Variants in TRIM37 observed in about 807,000 individuals in gnomAD.
TRIM37 encodes the protein tripartite motif containing 37.
A neutral mutation model predicts 129.8 loss-of-function variants in TRIM37; 80 were observed. The observed-to-expected ratio is 0.62, with a 90% CI of 0.51 to 0.74. The LOEUF is 0.74. TRIM37 is among the 30% of genes least tolerant of loss of function. The pLI, the probability that TRIM37 is intolerant of heterozygous loss-of-function variation, is 0.00. For synonymous variants in TRIM37, 389 were observed against 387.1 expected, an observed-to-expected ratio of 1.00 and a Z score of -0.06; for missense variants, 1,054 against 1,176.5, an observed-to-expected ratio of 0.90 and a Z score of 1.52.
rs768272469 is a variant in TRIM37, at chr17:59,079,786, G to A, written c.584C>T (p.Thr195Ile). 1 of 1,614,028 alleles carries A rather than the reference G, an allele frequency of 6.2e-7. No individual in the cohort carries two copies. Among genetic ancestry groups the A allele is most frequent in the Non-Finnish European group, 8.5e-7 (1 of 1,179,964 alleles). ...TGTTATAAGCTTATTCTTCAGCTGT[G>A]TGTCTAACCGTGCAATCATCATCTC... is the stretch of plus-strand genomic sequence containing the variant. ...AVEMMIARLD[T>I]QLKNKLITLM... The change falls in exon 7 of 24, where the codon ACA becomes ATA. Residue 195 changes from threonine (T) to isoleucine (I), a missense_variant. Thr to Ile is a moderately conservative substitution (Grantham distance 89). Transcript: ENST00000262294.
At position 59,015,365 on chromosome 17, in the gene TRIM37, G is replaced by A. The variant is rs187465058; in HGVS notation, c.2576+245C>T. ...TGAGGCAGGAGAATCACTTAAACCGGGGAGGCAGAGGTTGCAGAGAGCTGA... is the reference window on the plus strand; with the variant it reads ...TGAGGCAGGAGAATCACTTAAACCGAGGAGGCAGAGGTTGCAGAGAGCTGA... On this transcript the variant is annotated intron_variant, in intron 21 of 23. Coordinates refer to ENST00000262294, the MANE Select transcript of TRIM37 (RefSeq NM_015294.6). 1.9e-3 allele frequency among the ~76,000 whole-genome samples: 292 copies of A among 151,716 alleles called. 1 individual carries two copies. Among genetic ancestry groups the A allele is most frequent in the African/African-American group, 6.7e-3 (277 of 41,396 alleles).
At chr17:59,072,684 G>T (rs1007068663) in intron 8 of TRIM37, among the ~76,000 whole-genome samples, 9 of 151,304 alleles carry the variant, frequency 5.9e-5, no homozygotes, top group Non-Finnish European at 1.2e-4. Context: ...GGAGGCGGAG[G>T]TTACAGTGAG....
chr17:59,100,583 G>A (rs929830159), intron 2 of TRIM37, among the ~76,000 whole-genome samples: 12 of 151,900 alleles, frequency 7.9e-5, no homozygotes, highest in African/African-American at 1.5e-4. Flanking sequence ...CTTATCTATC[G>A]TGACAGAAAG....
chr17:59,014,837 G>A lies in TRIM37; in HGVS notation c.2576+773C>T, dbSNP rs146808608. 2.5e-4 allele frequency among the ~76,000 whole-genome samples: 38 copies of A among 151,160 alleles called. No individual in the cohort carries two copies. In the East Asian group the frequency reaches 4.8e-3, roughly 19 times the overall value. On this transcript the variant is annotated intron_variant, in intron 21 of 23. Transcript: ENST00000262294. Reference sequence around the variant, plus strand: ...TCTAACATATTTAAACTAAACTTCCGGTACTATTTCATCCCATTAAAAAAA... The same window carrying A: ...TCTAACATATTTAAACTAAACTTCCAGTACTATTTCATCCCATTAAAAAAA...
chr17:59,007,231 C>CCACCCACACACACACA (rs60395023), intron 22 of TRIM37, among the ~76,000 whole-genome samples: 2 of 97,500 alleles, frequency 2.1e-5, no homozygotes, highest in East Asian at 3.4e-4. Flanking sequence ...CCCCACCCAC[C>CCACCCACACACACACA]CACACACACA....
At chr17:59,064,193 T>A (rs1431757343) in intron 10 of TRIM37, 162 bp downstream of exon 10, 11 of 644,928 alleles carry the variant, frequency 1.7e-5, no homozygotes, top group Admixed American at 3.0e-5. Context: ...TACAATATAA[T>A]CCAGCACAAA....
chr17:59,001,336 T>C (rs970539942), intron 23 of TRIM37, among the ~76,000 whole-genome samples: 1 of 151,604 alleles, frequency 6.6e-6, no homozygotes, highest in South Asian at 2.1e-4. Context: ...GTGGACCCCG[T>C]CTCTGCCCAG....
downstream of TRIM37, chr17:58,981,198 A>G: frequency 1.7e-6 from 1 of 588,230 alleles, no homozygotes; most frequent in Non-Finnish European, 2.9e-6. Context: ...CAGTGTTTTC[A>G]ATCTAAAAAG....
At chr17:59,066,045 G>C (rs948118229) in intron 9 of TRIM37, among the ~76,000 whole-genome samples, 4 of 152,040 alleles carry the variant, frequency 2.6e-5, no homozygotes, top group African/African-American at 4.8e-5. Flanking sequence ...CTTTTGCCTG[G>C]TTAACCCTTA....
At chr17:59,083,122 T>C (rs2043445287) in intron 5 of TRIM37, among the ~76,000 whole-genome samples, 1 of 152,192 alleles carries the variant, frequency 6.6e-6, no homozygotes, top group African/African-American at 2.4e-5. Flanking sequence ...GTACTTATTA[T>C]TGTAAGGAGA....
At chr17:59,020,200 C>T (rs867966091) in intron 19 of TRIM37, among the ~76,000 whole-genome samples, 3 of 127,922 alleles carry the variant, frequency 2.3e-5, no homozygotes, top group African/African-American at 9.2e-5. Flanking sequence ...CACTGCACTC[C>T]AGCCTGGTGG....
At chr17:58,982,560 C>CT (rs1567903226), downstream of TRIM37, 1 of 238,252 alleles carries the variant, frequency 4.2e-6, no homozygotes, top group African/African-American at 2.3e-5. Flanking sequence ...ACTAAAATCT[C>CT]TGAATTTTAA....
intron 2 of TRIM37, among the ~76,000 whole-genome samples, chr17:59,098,805 A>G (rs1356136331): frequency 2.6e-5 from 4 of 152,194 alleles, no homozygotes; most frequent in Non-Finnish European, 5.9e-5. Context: ...CAGGAACTCA[A>G]ACAGATAATT....
chr17:59,105,078 TG>T (rs2045868789), intron 1 of TRIM37, among the ~76,000 whole-genome samples: 1 of 125,800 alleles, frequency 7.9e-6, no homozygotes, highest in Non-Finnish European at 1.6e-5. Flanking sequence ...GGTGACAGAG[TG>T]AGATTCTGTC....
intron 22 of TRIM37, 73 bp downstream of exon 22, chr17:59,012,255 C>CACT: frequency 3.0e-6 from 3 of 1,010,882 alleles, no homozygotes; most frequent in Non-Finnish European, 3.1e-6. Flanking sequence ...CCACCACCAC[C>CACT]ACCCACCACC....
At chr17:59,034,511 C>A (rs898631745) in intron 17 of TRIM37, among the ~76,000 whole-genome samples, 1 of 151,930 alleles carries the variant, frequency 6.6e-6, no homozygotes, top group Non-Finnish European at 1.5e-5. Flanking sequence ...AGGCATGCAG[C>A]ACCATGCCTG....
intron 12 of TRIM37, among the ~76,000 whole-genome samples, chr17:59,058,425 A>G (rs1304437723): frequency 2.0e-5 from 3 of 152,322 alleles, no homozygotes; most frequent in South Asian, 2.1e-4. Flanking sequence ...AAAGATAACT[A>G]TTGGGTACTG....
At chr17:59,057,923 C>T (rs1293745296) in intron 12 of TRIM37, among the ~76,000 whole-genome samples, 1 of 152,034 alleles carries the variant, frequency 6.6e-6, no homozygotes, top group African/African-American at 2.4e-5. Flanking sequence ...TAAAACAACA[C>T]CTCAAAAAAT....
At chr17:59,092,139 T>C (rs2085738495) in intron 2 of TRIM37, among the ~76,000 whole-genome samples, 1 of 152,106 alleles carries the variant, frequency 6.6e-6, no homozygotes, top group South Asian at 2.1e-4. Flanking sequence ...ACGCCTGTAA[T>C]CCCAGCAATT....
Sources: gnomAD v4.1 joint callset for allele counts (sites outside exome capture counted in the v4.1 genomes callset) on GRCh38, gnomAD v4.1.1 for gene constraint, MANE v1.5 for transcripts, NCBI Gene and HGNC (gene_info 2026-07-23, HGNC 2026-07-21) for gene names.